NLRC3: variants seen among roughly 807,000 people sequenced by gnomAD.
The protein encoded by NLRC3 is NLR family CARD domain-containing protein 3.
Under a neutral mutation model 91.6 loss-of-function variants are expected in NLRC3, and 87 were observed. That is an observed-to-expected ratio of 0.95 (90% CI 0.80 to 1.14). The LOEUF (loss-of-function observed/expected upper bound fraction) is 1.14, where lower values mean the gene tolerates loss of function less well. Ranked by LOEUF, NLRC3 falls within the 50% of genes most tolerant of loss-of-function variation. The probability of loss-of-function intolerance (pLI) is 0.00; values close to 1 mark genes in which losing one functional copy is unlikely to be tolerated. For missense variants in NLRC3, 1,577 were observed against 1,418.6 expected, an observed-to-expected ratio of 1.11 and a Z score of -1.79; for synonymous variants, 694 against 625.3, an observed-to-expected ratio of 1.11 and a Z score of -1.64.
chr16:3,552,209 G>T lies in NLRC3; in HGVS notation c.2338C>A (p.Leu780Met). Residue 780 changes from leucine to methionine, a missense_variant, in exon 10 of 20, where the codon CTG becomes ATG. Leu to Met is a conservative substitution (Grantham distance 15). Coordinates refer to ENST00000359128, the MANE Select transcript of NLRC3 (RefSeq NM_178844.4). ...CATATGTCTCACATGAGCTCTTTCA[G>T]ACTCCTGTTCTGCTTCAAGGCATCT... is the stretch of plus-strand genomic sequence containing the variant. ...MADALKQNRS[L>M]KELMFSSNSI... 6.2e-7 allele frequency: 1 copy of T among 1,606,646 alleles called. No individual in the cohort carries two copies. The highest frequency in any genetic ancestry group is 8.5e-7 in the Non-Finnish European group (1 of 1,173,148).
intron 1 of NLRC3, among the ~76,000 whole-genome samples, chr16:3,569,394 A>ATATTTT (rs2040011771): frequency 2.1e-5 from 1 of 47,276 alleles, no homozygotes; most frequent in African/African-American, 9.5e-5. Context: ...ATATATATAT[A>ATATTTT]TTATTTTTTT....
In NLRC3 at chr16:3,563,656, G is replaced by A. The variant is rs367889006; in HGVS notation, c.1281C>T (p.Leu427=). 26 of 1,613,726 alleles carry A rather than the reference G, an allele frequency of 1.6e-5. No individual in the cohort carries two copies. Among genetic ancestry groups the A allele is most frequent in the Admixed American group, 6.7e-5 (4 of 60,026 alleles). ...TGCACGGGGCGCCCTGCAGCAGAGC[G>A]AGGTCTACACCAAACGCCTTCATGT... ...EQDMKAFGVD[L]ALLQGAPCSC... The change falls in exon 5 of 20, where the codon CTC becomes CTT. Residue 427 remains leucine (L), a synonymous_variant. Coordinates refer to ENST00000359128, the MANE Select transcript of NLRC3 (RefSeq NM_178844.4).
intron 17 of NLRC3, 72 bp downstream of exon 17, chr16:3,543,353 C>T (rs1350571862): frequency 2.9e-6 from 3 of 1,050,668 alleles, no homozygotes; most frequent in East Asian, 5.1e-5. Flanking sequence ...AAACTTTGTC[C>T]CCATATCTAT....
At position 3,564,688 on chromosome 16, in the gene NLRC3, G is replaced by A. The variant is rs757291603; in HGVS notation, c.249C>T (p.Pro83=). 2.2e-5 allele frequency: 36 copies of A among 1,601,782 alleles called. No homozygotes were observed. In the Admixed American group the frequency reaches 6.0e-4, roughly 27 times the overall value. ...KVGGGPELGG[P]WHRLASLLLV... ...GCAGGAGGGAGGCCAGCCTGTGCCA[G>A]GGTCCGCCCAGCTCCGGGCCACCTC... The change falls in exon 5 of 20, where the codon CCC becomes CCT. Residue 83 remains proline, a synonymous_variant. Transcript: ENST00000359128. The surrounding 1 kb of genome is among the most constrained non-coding windows in gnomAD (Gnocchi z 5.9).
chr16:3,556,843 G>T lies in NLRC3; in HGVS notation c.2183+68C>A, dbSNP rs561672871. 6.7e-6 allele frequency: 7 copies of T among 1,038,728 alleles called. No individual in the cohort carries two copies. In the African/African-American group the frequency reaches 9.4e-5, roughly 14 times the overall value. The allele number at this position is 1,038,728 out of a possible 1,614,324, so 64.3% of individuals were successfully genotyped here. On this transcript the variant is annotated intron_variant, in intron 8 of 19. Transcript: ENST00000359128. Reference sequence around the variant, plus strand: ...TGAATCACCTCCCATTCTCATAGGTGGTGCCTGAGGAGAGGGTTTTCTGGG... The same window carrying T: ...TGAATCACCTCCCATTCTCATAGGTTGTGCCTGAGGAGAGGGTTTTCTGGG...
chr16:3,562,451 G>T (rs2039653788), intron 5 of NLRC3, among the ~76,000 whole-genome samples: 1 of 152,122 alleles, frequency 6.6e-6, no homozygotes, highest in Non-Finnish European at 1.5e-5. Flanking sequence ...GAGCAGCCTG[G>T]CCAACATGGT....
intron 1 of NLRC3, among the ~76,000 whole-genome samples, chr16:3,574,126 G>A: frequency 7.3e-6 from 1 of 137,382 alleles, no homozygotes; most frequent in South Asian, 2.4e-4. Context: ...GGGTTCAAGT[G>A]ATTCTCCCGC....
rs750918487 is a variant in NLRC3 at position 3,563,757 on chromosome 16, G to A, written c.1180C>T (p.Arg394Cys). Residue 394 changes from arginine (R) to cysteine (C), a missense_variant, in exon 5 of 20, where the codon CGC (arginine) becomes TGC (cysteine). Arg to Cys is a radical substitution (Grantham distance 180, BLOSUM62 -3). Coordinates refer to ENST00000359128, the MANE Select transcript of NLRC3 (RefSeq NM_178844.4). ...CGGCCCAATGTCCCCACCATCTTGC[G>A]GCCACCATGGGCCACCTGCTCGATG... ...PRIEQVAHGG[R>C]KMVGTLGRLA... 12 of 1,613,102 alleles carry A rather than the reference G, an allele frequency of 7.4e-6. No homozygotes were observed. Among genetic ancestry groups the A allele is most frequent in the South Asian group, 4.4e-5 (4 of 91,024 alleles).
intron 6 of NLRC3, among the ~76,000 whole-genome samples, chr16:3,558,013 G>A (rs2039430571): frequency 1.3e-5 from 2 of 152,332 alleles, no homozygotes; most frequent in South Asian, 4.1e-4. Context: ...AGCCAGTGGT[G>A]TACTGGTAAA....
Position 3,557,667 on chromosome 16 carries a change from C to T in NLRC3, c.2025G>A (p.Glu675=), listed in dbSNP as rs2039408679. Residue 675 remains glutamate (E), a synonymous_variant, in exon 7 of 20, where the codon GAG becomes GAA. Transcript: ENST00000359128. ...DCRIQKISLA[E]NQISNKGAKA... ...TGGCCCCTTTGTTACTGATCTGGTTCTCCGCCAAGCTGCCCAAGGAAAGGG... is the reference window on the plus strand; with the variant it reads ...TGGCCCCTTTGTTACTGATCTGGTTTTCCGCCAAGCTGCCCAAGGAAAGGG... 6.2e-7 allele frequency: 1 copy of T among 1,612,452 alleles called. No homozygotes were observed. The highest frequency in any genetic ancestry group is 8.5e-7 in the Non-Finnish European group (1 of 1,178,772).
rs2039831169 is a variant in NLRC3, at chr16:3,565,307, C to G, written c.-25+12G>C. ...TGGGGCCCTGAGCTTGTACCCCGGC[C>G]CTGCCACTTACCAGATAGGTGACTG... On this transcript the variant is annotated intron_variant, in intron 3 of 19. Transcript: ENST00000359128. The G allele has an allele frequency of 3.0e-6, 2 of 664,832 alleles. No homozygotes were observed. Among genetic ancestry groups the G allele is most frequent in the African/African-American group, 3.5e-5 (2 of 56,638 alleles). The allele number at this position is 664,832 out of a possible 1,614,324, so 41.2% of individuals were successfully genotyped here.
Position 3,541,550 on chromosome 16 carries a change from C to T in NLRC3, c.*275G>A. 1 of 472,242 alleles carries T rather than the reference C, an allele frequency of 2.1e-6. No homozygotes were observed. Among genetic ancestry groups the T allele is most frequent in the Non-Finnish European group, 3.8e-6 (1 of 261,362 alleles). 29.3% of individuals were successfully genotyped at this position (472,242 alleles called of 1,614,324 possible). ...GGAACCAGCCTCCTGTACTGCTCAG[C>T]TTTCAGGCCTTTGGCCCCTAGTCCC... On this transcript the variant is annotated 3_prime_UTR_variant, in exon 20 of 20. Coordinates refer to ENST00000359128, the MANE Select transcript of NLRC3 (RefSeq NM_178844.4).
At position 3,571,054 on chromosome 16, in the gene NLRC3, A is replaced by C. The variant is rs533237219; in HGVS notation, c.-168-3730T>G. Among the ~76,000 whole-genome samples, 196 of 152,310 alleles carry C rather than the reference A, an allele frequency of 1.3e-3. 1 individual carries two copies. The highest frequency in any genetic ancestry group is 2.1e-3 in the Non-Finnish European group (140 of 68,024). ...TAGATACATAAGTCAACAGAATAGGATATAGAGGCCAGGAACAAATATATA... is the reference window on the plus strand; with the variant it reads ...TAGATACATAAGTCAACAGAATAGGCTATAGAGGCCAGGAACAAATATATA... On this transcript the variant is annotated intron_variant, in intron 1 of 19. Transcript: ENST00000359128.
intron 1 of NLRC3, among the ~76,000 whole-genome samples, chr16:3,575,555 C>T (rs148278175): frequency 6.6e-6 from 1 of 152,308 alleles, no homozygotes; most frequent in Non-Finnish European, 1.5e-5. Context: ...CTGCTGCCTC[C>T]TCCCCGGGAG....
Position 3,557,618 on chromosome 16 carries a change from C to G in NLRC3, c.2074G>C (p.Val692Leu). ...GAKALARSLL[V>L]NRSLTSLDLR... The stretch of plus-strand genomic sequence containing the variant: ...TCCAGAGAGGTCAGACTTCTGTTGA[C>G]CAAGAGGGATCTGGCCAGAGCTTTG... The change falls in exon 7 of 20, where the codon GTC becomes CTC. Residue 692 changes from valine (V) to leucine (L), a missense_variant. Val to Leu is a conservative substitution (Grantham distance 32, BLOSUM62 1). Coordinates refer to ENST00000359128, the MANE Select transcript of NLRC3 (RefSeq NM_178844.4). The G allele has an allele frequency of 6.2e-7, 1 of 1,613,440 alleles. No homozygotes were observed. Among genetic ancestry groups the G allele is most frequent in the Non-Finnish European group, 8.5e-7 (1 of 1,179,518 alleles).
At position 3,563,424 on chromosome 16, in the gene NLRC3, C is replaced by CCTG; in HGVS notation, c.1510_1512dup (p.Gln504dup). The CCTG allele has an allele frequency of 1.3e-6, 2 of 1,575,096 alleles. No homozygotes were observed. The highest frequency in any genetic ancestry group is 1.7e-6 in the Non-Finnish European group (2 of 1,160,878). ...AACACGTCCAGCCTCCCGTCCTCTG[C>CCTG]CTGCATGGCCCGCTGGGCTGCGCTC... On this transcript the variant is annotated inframe_insertion, in exon 5 of 20. Transcript: ENST00000359128.
At chr16:3,553,603 G>A (rs1255033965) in intron 9 of NLRC3, among the ~76,000 whole-genome samples, 1 of 152,074 alleles carries the variant, frequency 6.6e-6, no homozygotes, top group Non-Finnish European at 1.5e-5. Context: ...CAGTCTCATT[G>A]GTGGGTTGCC....
intron 15 of NLRC3, chr16:3,544,930 G>A (rs2038613917): frequency 6.6e-6 from 1 of 152,512 alleles, no homozygotes; most frequent in South Asian, 2.1e-4. Context: ...CTGGGCTCAA[G>A]CAGTCCTCCC....
At position 3,563,522 on chromosome 16, in the gene NLRC3, C is replaced by G; in HGVS notation, c.1415G>C (p.Arg472Thr). The change falls in exon 5 of 20, where the codon AGG (arginine) becomes ACG (threonine). Residue 472 changes from arginine (R) to threonine (T), a missense_variant. Transcript: ENST00000359128. Reference sequence around the variant, plus strand: ...AGTGAAGAGGTCGAAGATGGCCCTCCTGGATGCGCCATAGTAATACGCGGC... The same window carrying G: ...AGTGAAGAGGTCGAAGATGGCCCTCGTGGATGCGCCATAGTAATACGCGGC... ...VAAAYYYGAS[R>T]RAIFDLFTES... 1 of 1,605,742 alleles carries G rather than the reference C, an allele frequency of 6.2e-7. No individual in the cohort carries two copies. Among genetic ancestry groups the G allele is most frequent in the Non-Finnish European group, 8.5e-7 (1 of 1,176,520 alleles).
Sources: gnomAD v4.1 joint callset for allele counts (sites outside exome capture counted in the v4.1 genomes callset) on GRCh38, gnomAD v4.1.1 for gene constraint, Gnocchi (gnomAD v3.1) non-coding constraint, MANE v1.5 for transcripts, NCBI Gene and HGNC (gene_info 2026-07-23, HGNC 2026-07-21) for gene names.